The following ZNF267 variants were observed in gnomAD, a reference collection of about 807,000 sequenced individuals.
ZNF267 encodes zinc finger protein 267, also known as zinc finger (C2H2).
A neutral mutation model predicts 71.6 loss-of-function variants in ZNF267; 61 were observed. That is an observed-to-expected ratio of 0.85 (90% CI 0.69 to 1.05). The LOEUF (loss-of-function observed/expected upper bound fraction) is 1.05. Ranked by LOEUF, ZNF267 falls within the 50% of genes least tolerant of loss-of-function variation. The pLI is 0.00. For missense variants in ZNF267, 852 were observed against 870.0 expected (o/e 0.98, Z 0.26); for synonymous variants, 288 against 293.2 (o/e 0.98, Z 0.18).
At chr16:31,895,057 G>A in intron 3 of ZNF267, 2 of 245,196 alleles carry the variant, frequency 8.2e-6, no homozygotes, top group South Asian at 1.0e-4. Context: ...CTCCCAGGGG[G>A]CCTTCTGCTT....
At chr16:31,900,506 G>A (rs2084031295) in intron 3 of ZNF267, among the ~76,000 whole-genome samples, 1 of 151,964 alleles carries the variant, frequency 6.6e-6, no homozygotes, top group African/African-American at 2.4e-5. Flanking sequence ...GTGTGGTGGC[G>A]AGATCTTGGC....
chr16:31,876,949 T>C (rs1181736235), intron 1 of ZNF267, among the ~76,000 whole-genome samples: 5 of 152,116 alleles, frequency 3.3e-5, no homozygotes, highest in Admixed American at 2.6e-4. Context: ...TACAGAGCCC[T>C]GGAAAGCTGA....
chr16:31,900,546 G>A (rs527600886), intron 3 of ZNF267, among the ~76,000 whole-genome samples: 7 of 152,196 alleles, frequency 4.6e-5, no homozygotes, highest in Middle Eastern at 3.4e-3. Context: ...CTGGGTTCAC[G>A]CCATTCTCCT....
intron 1 of ZNF267, among the ~76,000 whole-genome samples, chr16:31,884,084 A>G (rs1428208197): frequency 6.6e-6 from 1 of 152,216 alleles, no homozygotes; most frequent in Non-Finnish European, 1.5e-5. Context: ...CTCAAAATCT[A>G]GATCTCCTGA....
chr16:31,889,592 A>C (rs920221290), intron 3 of ZNF267, among the ~76,000 whole-genome samples: 8 of 152,186 alleles, frequency 5.3e-5, no homozygotes, highest in Non-Finnish European at 1.2e-4. Flanking sequence ...ATTGGTCTAC[A>C]GTTCTGCAGT....
chr16:31,906,279 G>A (rs2084089405), intron 3 of ZNF267, among the ~76,000 whole-genome samples: 1 of 152,180 alleles, frequency 6.6e-6, no homozygotes, highest in Non-Finnish European at 1.5e-5. Context: ...CTGTGTGCTG[G>A]GAGAACCACT....
At chr16:31,901,053 T>C (rs2084037109) in intron 3 of ZNF267, among the ~76,000 whole-genome samples, 2 of 152,186 alleles carry the variant, frequency 1.3e-5, no homozygotes, top group Admixed American at 6.5e-5. Context: ...ATGCGGTGTT[T>C]CGTTTTTTGT....
In ZNF267 at chr16:31,916,527, A is replaced by G; in HGVS notation, c.*46A>G. 5 of 1,536,378 alleles carry G rather than the reference A, an allele frequency of 3.3e-6. No individual in the cohort carries two copies. Among genetic ancestry groups the G allele is most frequent in the Non-Finnish European group, 4.4e-6 (5 of 1,134,674 alleles). On this transcript the variant is annotated 3_prime_UTR_variant, in exon 4 of 4. Coordinates refer to ENST00000300870, the MANE Select transcript of ZNF267 (RefSeq NM_003414.6). ...ATTTTTTACTTGTTACCCATGTCTTATTGTGCATCAGATAATTTATATGGG... is the reference window on the plus strand; with the variant it reads ...ATTTTTTACTTGTTACCCATGTCTTGTTGTGCATCAGATAATTTATATGGG...
Position 31,915,138 on chromosome 16 carries a change from T to TA in ZNF267, c.890dup (p.Tyr297Ter). Reference sequence around the variant, plus strand: ...CCATATCAGAGAAAACTCATATAGCTATAACAAATATGATAAAGATCTTAG... The same window carrying TA: ...CCATATCAGAGAAAACTCATATAGCTAATAACAAATATGATAAAGATCTTAG... ...TIHIRENSYS[Y>*]NKYDKDLSQS... The change falls in exon 4 of 4, where the codon TAT becomes TAAT. Residue 297 changes from tyrosine (Y) to a stop codon, truncating the protein, a stop_gained and frameshift_variant. Coordinates refer to ENST00000300870, the MANE Select transcript of ZNF267 (RefSeq NM_003414.6). LOFTEE classifies it high-confidence loss of function. 1.2e-6 allele frequency: 2 copies of TA among 1,613,188 alleles called. No individual in the cohort carries two copies. The highest frequency in any genetic ancestry group is 1.7e-6 in the Non-Finnish European group (2 of 1,179,706).
intron 3 of ZNF267, among the ~76,000 whole-genome samples, chr16:31,903,045 CAT>C (rs1399167502): frequency 1.3e-5 from 2 of 152,166 alleles, no homozygotes; most frequent in African/African-American, 4.8e-5. Flanking sequence ...TTGAGATAAT[CAT>C]GTGGTTTTTG....
chr16:31,876,143 T>G (rs958993655), intron 1 of ZNF267, among the ~76,000 whole-genome samples: 2 of 152,192 alleles, frequency 1.3e-5, no homozygotes, highest in Non-Finnish European at 2.9e-5. Context: ...ATCAGTTTCT[T>G]TTTTTTGTAG....
At chr16:31,899,519 A>G (rs1431443139) in intron 3 of ZNF267, among the ~76,000 whole-genome samples, 5 of 152,202 alleles carry the variant, frequency 3.3e-5, no homozygotes, top group Non-Finnish European at 7.3e-5. Flanking sequence ...AATCTCTGGG[A>G]CACATTTAAA....
intron 1 of ZNF267, chr16:31,874,401 A>G (rs1475039388): frequency 6.1e-6 from 1 of 162,794 alleles, no homozygotes; most frequent in Non-Finnish European, 1.3e-5. Context: ...TTGAGCAAAT[A>G]GCGATTTGTG....
chr16:31,906,314 G>A (rs886984723), intron 3 of ZNF267, among the ~76,000 whole-genome samples: 3 of 152,198 alleles, frequency 2.0e-5, no homozygotes, highest in African/African-American at 4.8e-5. Context: ...TGACAGACAG[G>A]GACATTTAAG....
chr16:31,914,869 G>A lies in ZNF267; in HGVS notation c.620G>A (p.Arg207Gln), dbSNP rs754729911. Reference sequence around the variant, plus strand: ...CAGGTCTCTACTCTAAATAGTTACCGAAATGTTTTTATTGGAGAGAAAAAT... The same window carrying A: ...CAGGTCTCTACTCTAAATAGTTACCAAAATGTTTTTATTGGAGAGAAAAAT... ...FRQVSTLNSY[R>Q]NVFIGEKNYH... Residue 207 changes from arginine to glutamine, a missense_variant, in exon 4 of 4, where the codon CGA (arginine) becomes CAA (glutamine). Arg to Gln is a conservative substitution (Grantham distance 43). Coordinates refer to ENST00000300870, the MANE Select transcript of ZNF267 (RefSeq NM_003414.6). The A allele has an allele frequency of 8.4e-5, 135 of 1,611,524 alleles. No homozygotes were observed. Among genetic ancestry groups the A allele is most frequent in the Middle Eastern group, 1.6e-4 (1 of 6,072 alleles).
chr16:31,874,291 AC>A (rs1361961671), intron 1 of ZNF267: 3 of 301,504 alleles, frequency 1.0e-5, no homozygotes, highest in Non-Finnish European at 1.8e-5. Flanking sequence ...CTCAGGGGAG[AC>A]CCAGGTTCGG....
chr16:31,886,018 C>G (rs2083921786), intron 3 of ZNF267, among the ~76,000 whole-genome samples: 1 of 152,170 alleles, frequency 6.6e-6, no homozygotes, highest in South Asian at 2.1e-4. Context: ...TGCCTTGTAT[C>G]TTAATAACTA....
chr16:31,901,434 C>A (rs2084040446), intron 3 of ZNF267, among the ~76,000 whole-genome samples: 1 of 152,216 alleles, frequency 6.6e-6, no homozygotes, highest in Non-Finnish European at 1.5e-5. Context: ...AAAAGTGTTC[C>A]TATTTCTCCA....
At chr16:31,901,300 C>A (rs1451421902) in intron 3 of ZNF267, among the ~76,000 whole-genome samples, 1 of 152,190 alleles carries the variant, frequency 6.6e-6, no homozygotes, top group African/African-American at 2.4e-5. Context: ...ATTTATAATC[C>A]TTTGGGTATA....
Sources: allele counts gnomAD v4.1 joint callset (sites outside exome capture counted in the v4.1 genomes callset), GRCh38; gene constraint gnomAD v4.1.1; transcripts MANE v1.5; gene names NCBI Gene and HGNC (gene_info 2026-07-23, HGNC 2026-07-21).